Variants in MYO10 observed in about 807,000 individuals in gnomAD.
MYO10 encodes myosin X.
In MYO10, 133 loss-of-function variants were observed where a neutral mutation model predicts 257.3. The observed-to-expected ratio is 0.52, with a 90% CI of 0.45 to 0.60. The LOEUF is 0.60. Ranked by LOEUF, MYO10 falls within the 20% of genes least tolerant of loss-of-function variation. MYO10 has a pLI of 0.00. For synonymous variants in MYO10, 1,104 were observed against 1,028.6 expected, an observed-to-expected ratio of 1.07 and a Z score of -1.40; for missense variants, 2,399 against 2,635.7, an observed-to-expected ratio of 0.91 and a Z score of 1.97.
chr5:16,749,123 C>A (rs1318818243), intron 19 of MYO10, among the ~76,000 whole-genome samples: 1 of 152,162 alleles, frequency 6.6e-6, no homozygotes, highest in African/African-American at 2.4e-5. Flanking sequence ...CATGGAAACT[C>A]TAGCCCTGCT....
At chr5:16,867,802 G>C (rs988269931) in intron 2 of MYO10, among the ~76,000 whole-genome samples, 5 of 152,212 alleles carry the variant, frequency 3.3e-5, no homozygotes, top group African/African-American at 1.2e-4. Flanking sequence ...TGATCTTTTA[G>C]TGGATTAATA....
intron 1 of MYO10, among the ~76,000 whole-genome samples, chr5:16,902,082 AT>A (rs1230695401): frequency 6.6e-6 from 1 of 151,804 alleles, no homozygotes; most frequent in East Asian, 1.9e-4. Flanking sequence ...TTTGAGACAG[AT>A]TTTCCAGGGT....
At chr5:16,838,706 C>A (rs1023864346) in intron 2 of MYO10, among the ~76,000 whole-genome samples, 5 of 152,146 alleles carry the variant, frequency 3.3e-5, no homozygotes, top group Middle Eastern at 3.2e-3. Flanking sequence ...AGAACTTCCA[C>A]AATTAAAGAG....
chr5:16,935,652 G>C, intron 1 of MYO10, 136 bp downstream of exon 1: 2 of 967,394 alleles, frequency 2.1e-6, no homozygotes, highest in South Asian at 1.4e-5. Context: ...CGGGGGGATG[G>C]GGGGTGATTT....
rs565300141 is a variant in MYO10 at position 16,671,846 on chromosome 5, A to G, written c.5310-304T>C. ...CTGAGTCCACGGGAAGAAAAGAAAC[A>G]AAAGCCTGTTTCTTTATTACCTTTA... On this transcript the variant is annotated intron_variant, in intron 37 of 40. Coordinates refer to ENST00000513610, the MANE Select transcript of MYO10 (RefSeq NM_012334.3). Among the ~76,000 whole-genome samples the G allele has an allele frequency of 5.8e-4, 88 of 152,324 alleles. 1 individual carries two copies. Among genetic ancestry groups the G allele is most frequent in the Middle Eastern group, 6.8e-3 (2 of 294 alleles).
chr5:16,742,320 G>C lies in MYO10; in HGVS notation c.1929+12508C>G, dbSNP rs899476197. On this transcript the variant is annotated intron_variant, in intron 19 of 40. Transcript: ENST00000513610. ...ACAACTTGGTAAACAGGATGGAAGT[G>C]ACCACTGAGGGCTTTACTGGGATTG... 7 of 832,420 alleles carry C rather than the reference G, an allele frequency of 8.4e-6. No homozygotes were observed. The African/African-American group carries it at 1.3e-4, about 15-fold the overall frequency. The allele number at this position is 832,420 out of a possible 1,614,324, so 51.6% of individuals were successfully genotyped here.
rs546910803 is a variant in MYO10, at chr5:16,666,421, C to T, written c.*271G>A. Reference sequence around the variant, plus strand: ...GCACTTCCGGCTGCTTTGGTGGCAGCGTGGTTCCTCCCCTCCTTTTTTAAG... The same window carrying T: ...GCACTTCCGGCTGCTTTGGTGGCAGTGTGGTTCCTCCCCTCCTTTTTTAAG... On this transcript the variant is annotated 3_prime_UTR_variant, in exon 41 of 41. Transcript: ENST00000513610. 128 of 384,272 alleles carry T rather than the reference C, an allele frequency of 3.3e-4. No individual in the cohort carries two copies. The highest frequency in any genetic ancestry group is 2.5e-3 in the African/African-American group (119 of 48,162). 23.8% of individuals were successfully genotyped at this position (384,272 alleles called of 1,614,324 possible).
intron 35 of MYO10, 54 bp downstream of exon 35, chr5:16,674,799 C>T: frequency 6.3e-7 from 1 of 1,592,722 alleles, no homozygotes; most frequent in Non-Finnish European, 8.6e-7. Context: ...GACCCAGTGC[C>T]CCACCTGTGT....
intron 35 of MYO10, among the ~76,000 whole-genome samples, chr5:16,674,525 G>A (rs1736630364): frequency 6.6e-6 from 1 of 150,490 alleles, no homozygotes; most frequent in Non-Finnish European, 1.5e-5. Context: ...ATCTCAATTA[G>A]ATTGTTTCTA....
rs368812404 is a variant in MYO10, at chr5:16,668,433, C to T, written c.5919G>A (p.Leu1973=). ...KEGGFPQELW[L]GVSADAVSVY... ...CGGAGACGGCGTCCGCGCTGACACCCAACCAGAGTTCCTGAGGGAAGCCAC... is the reference window on the plus strand; with the variant it reads ...CGGAGACGGCGTCCGCGCTGACACCTAACCAGAGTTCCTGAGGGAAGCCAC... Residue 1973 remains leucine, a synonymous_variant, in exon 40 of 41, where the codon TTG becomes TTA. Transcript: ENST00000513610. The T allele has an allele frequency of 9.1e-5, 146 of 1,612,208 alleles. No homozygotes were observed. The African/African-American group carries it at 9.6e-4, about 11-fold the overall frequency.
At chr5:16,893,222 A>G (rs148257055) in intron 1 of MYO10, among the ~76,000 whole-genome samples, 190 of 144,894 alleles carry the variant, frequency 1.3e-3, no homozygotes, top group Non-Finnish European at 2.3e-3. Flanking sequence ...AAAAGAACTT[A>G]CAATTACAAG....
rs755336172 is a variant in MYO10, at chr5:16,794,705, G to A, written c.408C>T (p.Ile136=). The A allele has an allele frequency of 3.6e-5, 58 of 1,613,498 alleles. No individual in the cohort carries two copies. The highest frequency in any genetic ancestry group is 4.7e-5 in the Non-Finnish European group (55 of 1,179,752). ...ACAGGCAGCGGTAGCACTCGTTGGC[G>A]ATGGCGAAGATGTGCGGGGGCAGCT... ...LGELPPHIFA[I]ANECYRCLWK... The change falls in exon 4 of 41, where the codon ATC becomes ATT. Residue 136 remains isoleucine, a synonymous_variant. Transcript: ENST00000513610.
At position 16,817,046 on chromosome 5, in the gene MYO10, C is replaced by T. The variant is rs576813727; in HGVS notation, c.279+963G>A. 7.8e-4 allele frequency among the ~76,000 whole-genome samples: 116 copies of T among 149,398 alleles called. 1 individual carries two copies. Among genetic ancestry groups the T allele is most frequent in the Non-Finnish European group, 3.4e-4 (23 of 67,368 alleles). On this transcript the variant is annotated intron_variant, in intron 3 of 40. Coordinates refer to ENST00000513610, the MANE Select transcript of MYO10 (RefSeq NM_012334.3). ...TGTTCGTCAGGCTTGTCTCAAACTCCAGACCTCGTGATCCGCCCACCTCGG... is the reference window on the plus strand; with the variant it reads ...TGTTCGTCAGGCTTGTCTCAAACTCTAGACCTCGTGATCCGCCCACCTCGG...
chr5:16,934,265 GA>G (rs983045078), intron 1 of MYO10, among the ~76,000 whole-genome samples: 1 of 152,260 alleles, frequency 6.6e-6, no homozygotes, highest in African/African-American at 2.4e-5. Context: ...GGGAGCCACG[GA>G]CCCCTGTGGT....
At chr5:16,900,775 T>C (rs1745356681) in intron 1 of MYO10, among the ~76,000 whole-genome samples, 2 of 148,120 alleles carry the variant, frequency 1.4e-5, no homozygotes, top group African/African-American at 5.1e-5. Context: ...AGTCTTGCTC[T>C]GTCGCCCAGG....
chr5:16,934,219 C>T (rs1436002619), intron 1 of MYO10, among the ~76,000 whole-genome samples: 1 of 152,222 alleles, frequency 6.6e-6, no homozygotes, highest in Admixed American at 6.5e-5. Context: ...CTGATGTTCC[C>T]CCCACTTGCA....
chr5:16,730,092 C>G (rs1739522664), intron 19 of MYO10, among the ~76,000 whole-genome samples: 2 of 152,100 alleles, frequency 1.3e-5, no homozygotes. Context: ...AATGGCATAA[C>G]AGATGCTCAT....
intron 3 of MYO10, among the ~76,000 whole-genome samples, chr5:16,804,328 G>C (rs375502984): frequency 6.6e-6 from 1 of 152,090 alleles, no homozygotes; most frequent in Admixed American, 6.5e-5. Flanking sequence ...GATTTCCCTC[G>C]GGGTCTTTAC....
chr5:16,901,069 C>G (rs1230640319), intron 1 of MYO10, among the ~76,000 whole-genome samples: 1 of 152,032 alleles, frequency 6.6e-6, no homozygotes, highest in Non-Finnish European at 1.5e-5. Flanking sequence ...AAAATTCCTC[C>G]GGAGCAGCCT....
Sources: gnomAD v4.1 joint callset for allele counts (sites outside exome capture counted in the v4.1 genomes callset) on GRCh38, gnomAD v4.1.1 for gene constraint, MANE v1.5 for transcripts, NCBI Gene and HGNC (gene_info 2026-07-23, HGNC 2026-07-21) for gene names.